The following ENPEP variants were observed in gnomAD, a reference collection of about 807,000 sequenced individuals.
ENPEP encodes AP-A.
A neutral mutation model predicts 114.5 loss-of-function variants in ENPEP; 103 were observed. The observed-to-expected ratio is 0.90, with a 90% CI of 0.77 to 1.06. ENPEP has a LOEUF of 1.06. ENPEP is among the 50% of genes least tolerant of loss of function. ENPEP has a pLI of 0.00. For missense variants in ENPEP, 1,196 were observed against 1,161.3 expected (o/e 1.03, Z -0.43); for synonymous variants, 420 against 422.0 (o/e 1.00, Z 0.06).
At chr4:110,556,563 A>G (rs1448443231) in intron 18 of ENPEP, among the ~76,000 whole-genome samples, 1 of 152,024 alleles carries the variant, frequency 6.6e-6, no homozygotes, top group East Asian at 1.9e-4. Flanking sequence ...TAGTGTATTG[A>G]TGAACAGTCT....
chr4:110,527,093 G>A (rs1376319553), intron 10 of ENPEP, among the ~76,000 whole-genome samples: 1 of 152,042 alleles, frequency 6.6e-6, no homozygotes, highest in Non-Finnish European at 1.5e-5. Context: ...TCAGGGCTTG[G>A]GGAAATAAGT....
chr4:110,504,118 C>G (rs1349448762), intron 3 of ENPEP, among the ~76,000 whole-genome samples: 1 of 152,176 alleles, frequency 6.6e-6, no homozygotes, highest in Non-Finnish European at 1.5e-5. Context: ...GGGAAGGGAC[C>G]TTGGCAGTTG....
chr4:110,551,953 A>G (rs1297804159), intron 17 of ENPEP, among the ~76,000 whole-genome samples: 1 of 152,104 alleles, frequency 6.6e-6, no homozygotes, highest in Non-Finnish European at 1.5e-5. Flanking sequence ...TTCATTGATC[A>G]TATTTTACCT....
In ENPEP at chr4:110,476,664, G is replaced by A. The variant is rs768582870; in HGVS notation, c.250G>A (p.Glu84Lys). 3 of 1,613,940 alleles carry A rather than the reference G, an allele frequency of 1.9e-6. No individual in the cohort carries two copies. The highest frequency in any genetic ancestry group is 1.7e-6 in the Non-Finnish European group (2 of 1,180,044). The change falls in exon 1 of 20, where the codon GAG becomes AAG. Residue 84 changes from glutamate to lysine, a missense_variant. Glu to Lys is a moderately conservative substitution (Grantham distance 56). Coordinates refer to ENST00000265162, the MANE Select transcript of ENPEP (RefSeq NM_001977.4). ...GGACATCTGCCCGGCCAGTGAGGATGAGAGCGGACAGTGGAAAAACTTTCG... is the reference window on the plus strand; with the variant it reads ...GGACATCTGCCCGGCCAGTGAGGATAAGAGCGGACAGTGGAAAAACTTTCG... ...DQDICPASED[E>K]SGQWKNFRLP...
intron 11 of ENPEP, among the ~76,000 whole-genome samples, chr4:110,539,890 A>T (rs1726788120): frequency 6.6e-6 from 1 of 152,278 alleles, no homozygotes; most frequent in South Asian, 2.1e-4. Flanking sequence ...TATTTATAAT[A>T]GATAGTAACA....
intron 17 of ENPEP, among the ~76,000 whole-genome samples, chr4:110,550,853 A>G (rs1454384163): frequency 1.3e-5 from 2 of 152,140 alleles, no homozygotes; most frequent in South Asian, 2.1e-4. Context: ...AAGGACGACC[A>G]GAAGCAGTTT....
chr4:110,487,251 C>G (rs1288632033), intron 1 of ENPEP, among the ~76,000 whole-genome samples: 1 of 152,252 alleles, frequency 6.6e-6, no homozygotes, highest in Non-Finnish European at 1.5e-5. Context: ...CAAAGGCAGA[C>G]TGGTCCCCAG....
chr4:110,524,573 A>C (rs1726126655), intron 10 of ENPEP, among the ~76,000 whole-genome samples: 1 of 152,222 alleles, frequency 6.6e-6, no homozygotes, highest in Non-Finnish European at 1.5e-5. Flanking sequence ...TATTTTATGA[A>C]TCCAACAAAT....
chr4:110,499,893 A>C (rs1242715011), intron 3 of ENPEP: 1 of 152,196 alleles, frequency 6.6e-6, no homozygotes, highest in Non-Finnish European at 1.5e-5. Flanking sequence ...GATTCATAGA[A>C]TTGACGTGTG....
chr4:110,531,550 A>G (rs1408077795), intron 11 of ENPEP, among the ~76,000 whole-genome samples: 4 of 152,244 alleles, frequency 2.6e-5, no homozygotes, highest in African/African-American at 7.2e-5. Context: ...TGGAAGATCA[A>G]TGTGTAAGTT....
intron 13 of ENPEP, among the ~76,000 whole-genome samples, chr4:110,546,759 T>G (rs886300508): frequency 6.6e-6 from 1 of 152,044 alleles, no homozygotes; most frequent in African/African-American, 2.4e-5. Flanking sequence ...GGACTTCCCT[T>G]AAAGGAAGTG....
intron 8 of ENPEP, chr4:110,515,870 C>G (rs1471847709): frequency 1.5e-5 from 7 of 454,536 alleles, no homozygotes; most frequent in Admixed American, 4.7e-5. Flanking sequence ...AGACTTCCCA[C>G]TGTGTCCTCA....
intron 8 of ENPEP, among the ~76,000 whole-genome samples, chr4:110,517,090 C>A (rs1725802739): frequency 6.6e-6 from 1 of 152,068 alleles, no homozygotes; most frequent in South Asian, 2.1e-4. Context: ...ATTACAGGCA[C>A]CACCACACCC....
chr4:110,529,457 G>A (rs958720379), intron 10 of ENPEP, among the ~76,000 whole-genome samples: 3 of 152,186 alleles, frequency 2.0e-5, no homozygotes, highest in African/African-American at 4.8e-5. Flanking sequence ...AGATCAGTGG[G>A]GGAGCAGGCA....
chr4:110,538,786 A>C (rs1726740253), intron 11 of ENPEP, among the ~76,000 whole-genome samples: 1 of 152,132 alleles, frequency 6.6e-6, no homozygotes, highest in Non-Finnish European at 1.5e-5. Context: ...TGAACACTTG[A>C]GGCCATTGAA....
At chr4:110,513,304 CTT>C (rs1290264229) in intron 6 of ENPEP, 109 bp from the exon 7 acceptor site, 1 of 1,243,078 alleles carries the variant, frequency 8.0e-7, no homozygotes, top group African/African-American at 1.5e-5. Context: ...GTTTAAGTAA[CTT>C]AAGTCATTTA....
Position 110,553,432 on chromosome 4 carries a change from C to A in ENPEP, c.2619C>A (p.Leu873=). Residue 873 remains leucine (L), a synonymous_variant, in exon 18 of 20, where the codon CTC becomes CTA. Transcript: ENST00000265162. The stretch of plus-strand genomic sequence containing the variant: ...ACATGGCCTGGAATTGGATACAACT[C>A]AACTGGGACTATCTAGTCAACAGGT... ...GKNMAWNWIQ[L]NWDYLVNRYT... The A allele has an allele frequency of 6.2e-7, 1 of 1,609,984 alleles. No homozygotes were observed. The highest frequency in any genetic ancestry group is 8.5e-7 in the Non-Finnish European group (1 of 1,177,340).
At chr4:110,495,971 A>G (rs2110341982) in intron 3 of ENPEP, among the ~76,000 whole-genome samples, 1 of 152,332 alleles carries the variant, frequency 6.6e-6, no homozygotes, top group East Asian at 1.9e-4. Flanking sequence ...ATGCTGGTGG[A>G]AGATATTATC....
chr4:110,554,606 A>C (rs1262302514), intron 18 of ENPEP, among the ~76,000 whole-genome samples: 1 of 152,042 alleles, frequency 6.6e-6, no homozygotes, highest in Non-Finnish European at 1.5e-5. Flanking sequence ...TTTAAATGAA[A>C]TGCTTAATTT....
Sources: allele counts gnomAD v4.1 joint callset (sites outside exome capture counted in the v4.1 genomes callset), GRCh38; gene constraint gnomAD v4.1.1; transcripts MANE v1.5; gene names NCBI Gene and HGNC (gene_info 2026-07-23, HGNC 2026-07-21).